The following STK32B variants were observed in gnomAD, a reference collection of about 807,000 sequenced individuals.
The protein encoded by STK32B is serine/threonine-protein kinase 32B.
Under a neutral mutation model 52.6 loss-of-function variants are expected in STK32B, and 43 were observed. The observed-to-expected ratio is 0.82, with a 90% CI of 0.64 to 1.05. STK32B has a LOEUF of 1.05. Ranked by LOEUF, STK32B falls within the 50% of genes least tolerant of loss-of-function variation. STK32B has a pLI of 0.00. For missense variants in STK32B, 621 were observed against 534.6 expected (o/e 1.16, Z -1.59); for synonymous variants, 238 against 204.3 (o/e 1.17, Z -1.41).
rs116691875 is a variant in STK32B, at chr4:5,291,604, A to G, written c.261-39616A>G. On this transcript the variant is annotated intron_variant, in intron 3 of 11. Transcript: ENST00000282908. ...AATCAAGTAATTTTTCATCAGAGATAGTTTTACTTGCTTTCTAATCTAGAT... is the reference window on the plus strand; with the variant it reads ...AATCAAGTAATTTTTCATCAGAGATGGTTTTACTTGCTTTCTAATCTAGAT... Among the ~76,000 whole-genome samples the G allele has an allele frequency of 3.1e-3, 477 of 152,252 alleles. 3 individuals are homozygous for G. The highest frequency in any genetic ancestry group is 0.011 in the African/African-American group (449 of 41,564).
In STK32B at chr4:5,171,404, T is replaced by A. The variant is rs537589748; in HGVS notation, c.260+2954T>A. 6.5e-3 allele frequency among the ~76,000 whole-genome samples: 995 copies of A among 151,994 alleles called. 8 individuals carry two copies. The highest frequency in any genetic ancestry group is 0.022 in the African/African-American group (901 of 41,502). ...GCCCATGCCTATGTCCTGAATGGTA[T>A]TGCCTAGGTTTTCTTCTAGGGTTTT... On this transcript the variant is annotated intron_variant, in intron 3 of 11. Coordinates refer to ENST00000282908, the MANE Select transcript of STK32B (RefSeq NM_018401.3).
chr4:5,054,543 C>T (rs1741924146), intron 1 of STK32B, among the ~76,000 whole-genome samples: 1 of 152,040 alleles, frequency 6.6e-6, no homozygotes, highest in African/African-American at 2.4e-5. Context: ...AGTACTCCTG[C>T]ATTGTGGAGT....
intron 3 of STK32B, among the ~76,000 whole-genome samples, chr4:5,181,329 GACACAC>G (rs751590603): frequency 3.9e-4 from 54 of 138,120 alleles, no homozygotes; most frequent in Admixed American, 1.1e-3. Flanking sequence ...TGGAGAGTGA[GACACAC>G]ACACACACAC....
In STK32B at chr4:5,104,220, TAGTG is replaced by T. The variant is rs541702598; in HGVS notation, c.53-35681_53-35678del. 6.6e-5 allele frequency among the ~76,000 whole-genome samples: 10 copies of T among 152,300 alleles called. No homozygotes were observed. In the South Asian group the frequency reaches 1.7e-3, roughly 25 times the overall value. On this transcript the variant is annotated intron_variant, in intron 1 of 11. Coordinates refer to ENST00000282908, the MANE Select transcript of STK32B (RefSeq NM_018401.3). Reference sequence around the variant, plus strand: ...GGTTTCCCCCATACTGTTCTCATGATAGTGAGTAAGTCTCACGAGATCTGATGGT... The same window carrying T: ...GGTTTCCCCCATACTGTTCTCATGATAGTAAGTCTCACGAGATCTGATGGT...
chr4:5,084,860 T>C (rs1175142600), intron 1 of STK32B, among the ~76,000 whole-genome samples: 1 of 152,206 alleles, frequency 6.6e-6, no homozygotes, highest in Admixed American at 6.5e-5. Flanking sequence ...CACTAAAATA[T>C]AGAAGCTCCT....
chr4:5,250,747 A>T (rs1342848236), intron 3 of STK32B, among the ~76,000 whole-genome samples: 1 of 152,192 alleles, frequency 6.6e-6, no homozygotes, highest in African/African-American at 2.4e-5. Context: ...ACTTTTTAAT[A>T]ATAGCCATTC....
intron 3 of STK32B, among the ~76,000 whole-genome samples, chr4:5,257,246 A>T (rs750658570): frequency 1.6e-5 from 2 of 121,422 alleles, no homozygotes; most frequent in African/African-American, 5.9e-5. Flanking sequence ...TGAGTGAATG[A>T]TTGAGTGAAT....
chr4:5,128,786 C>A (rs757070314), intron 1 of STK32B, among the ~76,000 whole-genome samples: 6 of 152,208 alleles, frequency 3.9e-5, no homozygotes, highest in African/African-American at 1.4e-4. Flanking sequence ...CTGAATCTCT[C>A]TCTGGCTGCT....
chr4:5,394,459 C>A lies in STK32B; in HGVS notation c.435-3748C>A, dbSNP rs1736757355. On this transcript the variant is annotated intron_variant, in intron 4 of 11. Coordinates refer to ENST00000282908, the MANE Select transcript of STK32B (RefSeq NM_018401.3). This position sits in a 1 kb window ranked among gnomAD's most constrained non-coding sequence, Gnocchi z 4.2. ...GAAACTGGCTAAACTAAAGGCTCTGCTAAGATGCTTTACCCATAAAATGCT... is the reference window on the plus strand; with the variant it reads ...GAAACTGGCTAAACTAAAGGCTCTGATAAGATGCTTTACCCATAAAATGCT... Among the ~76,000 whole-genome samples, 2 of 152,210 alleles carry A rather than the reference C, an allele frequency of 1.3e-5. No individual in the cohort carries two copies. The highest frequency in any genetic ancestry group is 2.1e-4 in the South Asian group (1 of 4,828).
At chr4:5,481,282 G>A (rs1003825178) in intron 11 of STK32B, among the ~76,000 whole-genome samples, 6 of 152,140 alleles carry the variant, frequency 3.9e-5, no homozygotes, top group Non-Finnish European at 8.8e-5. Context: ...ATTCTAACTG[G>A]TGTGAGATGG....
At chr4:5,202,130 G>A (rs1722199449) in intron 3 of STK32B, among the ~76,000 whole-genome samples, 1 of 152,206 alleles carries the variant, frequency 6.6e-6, no homozygotes, top group African/African-American at 2.4e-5. Context: ...TACAATGAGG[G>A]TACAGGCATT....
chr4:5,046,243 G>A, the STK32B span, among the ~76,000 whole-genome samples: 3 of 152,084 alleles, frequency 2.0e-5, no homozygotes, highest in African/African-American at 7.2e-5. Context: ...TTCGACAAAC[G>A]TGACAAAAAC....
At chr4:5,322,994 C>T (rs1731617367) in intron 3 of STK32B, among the ~76,000 whole-genome samples, 1 of 152,204 alleles carries the variant, frequency 6.6e-6, no homozygotes, top group Admixed American at 6.5e-5. Flanking sequence ...ACCAGTCAAC[C>T]TCTCTTGTCC....
chr4:5,306,237 G>C (rs1450632158), intron 3 of STK32B, among the ~76,000 whole-genome samples: 1 of 152,128 alleles, frequency 6.6e-6, no homozygotes, highest in Non-Finnish European at 1.5e-5. Flanking sequence ...CTAGGGTACA[G>C]TTTAAGTTCA....
chr4:5,236,388 A>G (rs1016236411), intron 3 of STK32B, among the ~76,000 whole-genome samples: 4 of 152,158 alleles, frequency 2.6e-5, no homozygotes, highest in African/African-American at 7.2e-5. Flanking sequence ...AAGTGCACTT[A>G]TGATAAGTGT....
chr4:5,428,988 A>G (rs1472395784), intron 6 of STK32B, among the ~76,000 whole-genome samples: 2 of 152,208 alleles, frequency 1.3e-5, no homozygotes, highest in African/African-American at 4.8e-5. Context: ...GGTAAAGAAT[A>G]AACAAATCCC....
At chr4:5,210,832 A>G (rs1317305900) in intron 3 of STK32B, among the ~76,000 whole-genome samples, 1 of 148,708 alleles carries the variant, frequency 6.7e-6, no homozygotes, top group Non-Finnish European at 1.5e-5. Flanking sequence ...GTCTCCCTCT[A>G]TGCCCCAGGC....
At chr4:5,096,891 GA>G (rs1336883883) in intron 1 of STK32B, among the ~76,000 whole-genome samples, 1 of 152,172 alleles carries the variant, frequency 6.6e-6, no homozygotes, top group East Asian at 1.9e-4. Context: ...AATGTTTATG[GA>G]GCTCCTGCTA....
Position 5,394,281 on chromosome 4 carries a change from A to G in STK32B, c.435-3926A>G, listed in dbSNP as rs1023656138. Among the ~76,000 whole-genome samples, 4 of 152,186 alleles carry G rather than the reference A, an allele frequency of 2.6e-5. No individual in the cohort carries two copies. Among genetic ancestry groups the G allele is most frequent in the African/African-American group, 9.7e-5 (4 of 41,434 alleles). ...TGTCATTTTGCCCAACTCTGAAATTATGGGTCTGTCCTCAGGAAACATCGT... is the reference window on the plus strand; with the variant it reads ...TGTCATTTTGCCCAACTCTGAAATTGTGGGTCTGTCCTCAGGAAACATCGT... On this transcript the variant is annotated intron_variant, in intron 4 of 11. Coordinates refer to ENST00000282908, the MANE Select transcript of STK32B (RefSeq NM_018401.3). This position sits in a 1 kb window ranked among gnomAD's most constrained non-coding sequence, Gnocchi z 4.2.
Sources: gnomAD v4.1 joint callset for allele counts (sites outside exome capture counted in the v4.1 genomes callset) on GRCh38, gnomAD v4.1.1 for gene constraint, Gnocchi (gnomAD v3.1) non-coding constraint, MANE v1.5 for transcripts, NCBI Gene and HGNC (gene_info 2026-07-23, HGNC 2026-07-21) for gene names.